MAPK8: variants seen among roughly 807,000 people sequenced by gnomAD.
The protein encoded by MAPK8 is JUN N-terminal kinase.
In MAPK8, 13 loss-of-function variants were observed where a neutral mutation model predicts 52.9. The ratio of observed to expected loss-of-function variants is 0.25; its 90% CI spans 0.16 to 0.39. The LOEUF is 0.39. Among genes scored for constraint, MAPK8 ranks in the 10% least tolerant of loss-of-function variants. The probability of loss-of-function intolerance (pLI) is 1.00; values close to 1 mark genes in which losing one functional copy is unlikely to be tolerated. For synonymous variants in MAPK8, 191 were observed against 169.8 expected, an observed-to-expected ratio of 1.12 and a Z score of -0.97; for missense variants, 300 against 519.2, an observed-to-expected ratio of 0.58 and a Z score of 4.10.
intron 1 of MAPK8, among the ~76,000 whole-genome samples, chr10:48,339,140 C>T (rs1844986013): frequency 6.6e-6 from 1 of 151,970 alleles, no homozygotes; most frequent in Admixed American, 6.6e-5. Context: ...GCGATCTAAG[C>T]AAAAGGAACA....
intron 1 of MAPK8, among the ~76,000 whole-genome samples, chr10:48,343,543 A>G (rs1845498091): frequency 6.6e-6 from 1 of 152,200 alleles, no homozygotes; most frequent in Admixed American, 6.5e-5. Flanking sequence ...CCTGCCACTC[A>G]AGGGAAGAAA....
At position 48,313,455 on chromosome 10, in the gene MAPK8, A is replaced by C. The variant is rs142808379; in HGVS notation, c.-50+6634A>C. Reference sequence around the variant, plus strand: ...GTCTCAAAAAACAACAACAACAACAACACCCAGAAATAATCAAAGACATTA... The same window carrying C: ...GTCTCAAAAAACAACAACAACAACACCACCCAGAAATAATCAAAGACATTA... On this transcript the variant is annotated intron_variant, in intron 1 of 11. Coordinates refer to ENST00000374189, the MANE Select transcript of MAPK8 (RefSeq NM_001323329.2). Among the ~76,000 whole-genome samples the C allele has an allele frequency of 2.0e-3, 301 of 152,224 alleles. 1 individual carries two copies. Among genetic ancestry groups the C allele is most frequent in the East Asian group, 0.01 (53 of 5,178 alleles).
intron 1 of MAPK8, among the ~76,000 whole-genome samples, chr10:48,341,997 G>A (rs1845324544): frequency 1.3e-5 from 2 of 152,274 alleles, no homozygotes; most frequent in Admixed American, 1.3e-4. Flanking sequence ...GGCTAATGCA[G>A]TTGGACTGCA....
chr10:48,424,052 C>G (rs1024097089), intron 6 of MAPK8, 36 bp from the exon 7 acceptor site: 9 of 1,551,368 alleles, frequency 5.8e-6, no homozygotes, highest in Non-Finnish European at 6.2e-6. Context: ...TGACCTTTTG[C>G]TTTGCTTTTC....
intron 5 of MAPK8, among the ~76,000 whole-genome samples, chr10:48,411,960 G>A (rs145870480): frequency 0.012 from 1,728 of 147,152 alleles, 35 homozygotes; most frequent in African/African-American, 0.041. Context: ...TTCTCCTGCC[G>A]CAGCCTCCCA....
intron 3 of MAPK8, among the ~76,000 whole-genome samples, chr10:48,407,831 A>G (rs745598205): frequency 1.3e-5 from 2 of 152,042 alleles, no homozygotes; most frequent in African/African-American, 4.8e-5. Flanking sequence ...TTCTGTCTCT[A>G]TATGCCTTTA....
At chr10:48,413,650 A>C (rs1411264641) in intron 5 of MAPK8, among the ~76,000 whole-genome samples, 1 of 151,484 alleles carries the variant, frequency 6.6e-6, no homozygotes, top group Non-Finnish European at 1.5e-5. Flanking sequence ...CCTCTCATCA[A>C]ATTCTTAGTA....
intron 5 of MAPK8, among the ~76,000 whole-genome samples, chr10:48,412,279 T>C (rs2042798575): frequency 6.6e-6 from 1 of 152,234 alleles, no homozygotes; most frequent in South Asian, 2.1e-4. Flanking sequence ...TCAAGATGCC[T>C]TTTTGTCTTT....
At chr10:48,311,299 A>G (rs1841965179) in intron 1 of MAPK8, among the ~76,000 whole-genome samples, 1 of 152,196 alleles carries the variant, frequency 6.6e-6, no homozygotes, top group Non-Finnish European at 1.5e-5. Context: ...AGAATATGCC[A>G]TTTGTTTCAC....
At chr10:48,413,861 T>TATATA (rs2042916865) in intron 5 of MAPK8, among the ~76,000 whole-genome samples, 6 of 54,556 alleles carry the variant, frequency 1.1e-4, no homozygotes, top group Non-Finnish European at 1.6e-4. Flanking sequence ...ATATATATAT[T>TATATA]CAGAAATATT....
chr10:48,382,264 A>G (rs532112451), intron 1 of MAPK8, among the ~76,000 whole-genome samples: 7 of 152,372 alleles, frequency 4.6e-5, no homozygotes, highest in African/African-American at 1.4e-4. Flanking sequence ...TTTAAAACTG[A>G]CAAGTCTGAA....
chr10:48,375,764 C>G (rs903718231), intron 1 of MAPK8, among the ~76,000 whole-genome samples: 6 of 152,202 alleles, frequency 3.9e-5, no homozygotes, highest in Non-Finnish European at 8.8e-5. Flanking sequence ...GAAAAACATT[C>G]CATGCCCATG....
chr10:48,430,992 T>C (rs929035997), intron 10 of MAPK8: 3 of 596,836 alleles, frequency 5.0e-6, no homozygotes, highest in Non-Finnish European at 8.9e-6. Flanking sequence ...TACTTCCTTT[T>C]AATATGATCC....
chr10:48,325,756 C>CGTA (rs1241742292), intron 1 of MAPK8: 1 of 152,096 alleles, frequency 6.6e-6, no homozygotes, highest in Non-Finnish European at 1.5e-5. Flanking sequence ...TCTGGAATAC[C>CGTA]ACATTACATT....
intron 1 of MAPK8, among the ~76,000 whole-genome samples, chr10:48,386,557 T>C (rs1308213558): frequency 6.6e-6 from 1 of 152,232 alleles, no homozygotes; most frequent in East Asian, 1.9e-4. Flanking sequence ...TTGAAATGTT[T>C]ACCATTTTGA....
chr10:48,360,701 G>A (rs550543056), intron 1 of MAPK8, among the ~76,000 whole-genome samples: 1 of 152,090 alleles, frequency 6.6e-6, no homozygotes, highest in South Asian at 2.1e-4. Flanking sequence ...AGAAGCAAAC[G>A]CAAAAGGATA....
At chr10:48,403,757 G>GTT (rs939512765) in intron 2 of MAPK8, among the ~76,000 whole-genome samples, 2 of 148,504 alleles carry the variant, frequency 1.3e-5, no homozygotes, top group Admixed American at 1.3e-4. Flanking sequence ...TTGTTTTTTT[G>GTT]TTTTTTTTTG....
chr10:48,353,272 G>A (rs1303952963), intron 1 of MAPK8, among the ~76,000 whole-genome samples: 1 of 152,200 alleles, frequency 6.6e-6, no homozygotes, highest in Admixed American at 6.5e-5. Flanking sequence ...AAGAACCAGA[G>A]TAGCTAGTTT....
At chr10:48,383,650 A>G (rs1172124926) in intron 1 of MAPK8, among the ~76,000 whole-genome samples, 5 of 152,172 alleles carry the variant, frequency 3.3e-5, no homozygotes, top group Admixed American at 1.3e-4. Context: ...CCAGCTGGGC[A>G]TTAAAGGATA....
Sources: allele counts gnomAD v4.1 joint callset (sites outside exome capture counted in the v4.1 genomes callset), GRCh38; gene constraint gnomAD v4.1.1; transcripts MANE v1.5; gene names NCBI Gene and HGNC (gene_info 2026-07-23, HGNC 2026-07-21).